The following ADGRV1 variants were observed in gnomAD, a reference collection of about 807,000 sequenced individuals.
The protein encoded by ADGRV1 is adhesion G protein-coupled receptor V1.
A neutral mutation model predicts 596.2 loss-of-function variants in ADGRV1; 359 were observed. The observed-to-expected ratio is 0.60, with a 90% CI of 0.55 to 0.66. The LOEUF (loss-of-function observed/expected upper bound fraction) is 0.66. Among genes scored for constraint, ADGRV1 ranks in the 30% least tolerant of loss-of-function variants. The pLI is 0.00. For synonymous variants in ADGRV1, 2,681 were observed against 2,679.2 expected (o/e 1.00, Z -0.02); for missense variants, 7,274 against 7,575.6 (o/e 0.96, Z 1.48).
chr5:91,094,182 G>A (rs959541238), intron 86 of ADGRV1, among the ~76,000 whole-genome samples: 2 of 151,950 alleles, frequency 1.3e-5, no homozygotes, highest in African/African-American at 4.8e-5. Flanking sequence ...TCTCTGGGCC[G>A]GGCACAGTGG....
chr5:90,894,087 G>A (rs1419397887), intron 83 of ADGRV1, among the ~76,000 whole-genome samples: 3 of 152,144 alleles, frequency 2.0e-5, no homozygotes, highest in Non-Finnish European at 4.4e-5. Flanking sequence ...TTAATGGTAA[G>A]AGAGTATGTG....
At chr5:91,095,322 C>T (rs1790761913) in intron 86 of ADGRV1, among the ~76,000 whole-genome samples, 1 of 152,124 alleles carries the variant, frequency 6.6e-6, no homozygotes, top group South Asian at 2.1e-4. Flanking sequence ...ACCTCAGCCT[C>T]CTGAGTAGCT....
intron 84 of ADGRV1, among the ~76,000 whole-genome samples, chr5:90,980,371 A>G (rs1247525327): frequency 6.6e-6 from 1 of 152,206 alleles, no homozygotes; most frequent in African/African-American, 2.4e-5. Context: ...TTCAGAGACT[A>G]TATCGTATCT....
At chr5:90,882,114 G>A (rs988593102) in intron 83 of ADGRV1, among the ~76,000 whole-genome samples, 6 of 152,228 alleles carry the variant, frequency 3.9e-5, no homozygotes, top group African/African-American at 1.4e-4. Flanking sequence ...TTTCCTCACA[G>A]ATGTAAAGAG....
At chr5:91,080,588 CAAA>C (rs10696264) in intron 86 of ADGRV1, among the ~76,000 whole-genome samples, 5 of 84,466 alleles carry the variant, frequency 5.9e-5, no homozygotes, top group African/African-American at 2.0e-4. Context: ...GCACACCCTG[CAAA>C]AAAAAAAAAA....
At chr5:90,740,554 C>T (rs936481315) in intron 50 of ADGRV1, among the ~76,000 whole-genome samples, 2 of 152,196 alleles carry the variant, frequency 1.3e-5, no homozygotes, top group African/African-American at 2.4e-5. Context: ...AACTGTGCCT[C>T]ATTCAGAGCA....
At chr5:91,062,630 C>T (rs984027086) in intron 85 of ADGRV1, among the ~76,000 whole-genome samples, 2 of 152,130 alleles carry the variant, frequency 1.3e-5, no homozygotes, top group African/African-American at 2.4e-5. Flanking sequence ...GGCCAGTCTG[C>T]AGATCTGCGG....
Position 90,823,462 on chromosome 5 carries a change from C to T in ADGRV1, c.16234C>T (p.Leu5412Phe). 1 of 1,613,840 alleles carries T rather than the reference C, an allele frequency of 6.2e-7. No homozygotes were observed. The highest frequency in any genetic ancestry group is 1.1e-5 in the South Asian group (1 of 91,024). The change falls in exon 76 of 90, where the codon CTT (leucine) becomes TTT (phenylalanine). Residue 5412 changes from leucine to phenylalanine, a missense_variant. Around this residue, in one of 5 missense-constraint regions of ADGRV1, gnomAD observed 1,874 missense variants for 1,970.2 expected, o/e 0.95. Coordinates refer to ENST00000405460, the MANE Select transcript of ADGRV1 (RefSeq NM_032119.4). Reference protein sequence around the residue: ...EDVKVFWRVTLNKTVVVLQKD... With the variant: ...EDVKVFWRVTFNKTVVVLQKD... ...TGTCAAGGTCTTTTGGCGAGTCACA[C>T]TTAACAAAACAGTCGTCGTGCTCCA...
intron 53 of ADGRV1, among the ~76,000 whole-genome samples, chr5:90,750,920 C>A (rs889895668): frequency 6.6e-6 from 1 of 152,112 alleles, no homozygotes; most frequent in African/African-American, 2.4e-5. Flanking sequence ...TTTAAAAAGT[C>A]ATTCTTTCTG....
chr5:90,737,278 A>G (rs575902765), intron 50 of ADGRV1, among the ~76,000 whole-genome samples: 5 of 152,108 alleles, frequency 3.3e-5, no homozygotes, highest in African/African-American at 9.6e-5. Context: ...GCTTAATGCC[A>G]TTATGATCAG....
At chr5:90,719,528 A>C (rs1457110727) in intron 43 of ADGRV1, among the ~76,000 whole-genome samples, 5 of 151,836 alleles carry the variant, frequency 3.3e-5, no homozygotes, top group African/African-American at 1.2e-4. Context: ...GGCTTCTTTC[A>C]CTCAATATAA....
intron 86 of ADGRV1, among the ~76,000 whole-genome samples, chr5:91,082,423 C>A (rs954551990): frequency 6.6e-6 from 1 of 152,070 alleles, no homozygotes; most frequent in Admixed American, 6.6e-5. Context: ...ATCTCCTGGG[C>A]TCAAGAGATA....
chr5:90,978,251 C>T (rs979891139), intron 84 of ADGRV1, among the ~76,000 whole-genome samples: 4 of 152,018 alleles, frequency 2.6e-5, no homozygotes, highest in Non-Finnish European at 4.4e-5. Flanking sequence ...GCCGAGATCG[C>T]GCCACTACAC....
At chr5:90,597,727 A>T (rs1355868526) in intron 1 of ADGRV1, among the ~76,000 whole-genome samples, 1 of 152,116 alleles carries the variant, frequency 6.6e-6, no homozygotes, top group African/African-American at 2.4e-5. Context: ...AGAGAGAGAA[A>T]GAGGGAGAGA....
chr5:90,745,426 A>G (rs910198360), intron 51 of ADGRV1, among the ~76,000 whole-genome samples, 161 bp downstream of exon 51: 1 of 152,214 alleles, frequency 6.6e-6, no homozygotes, highest in Non-Finnish European at 1.5e-5. Context: ...TATCTATTCT[A>G]TCAAGTTTAT....
At chr5:91,163,412 A>G (rs541861567) in intron 89 of ADGRV1, among the ~76,000 whole-genome samples, 38 of 152,296 alleles carry the variant, frequency 2.5e-4, no homozygotes, top group African/African-American at 9.1e-4. Context: ...GTTTTGTAAC[A>G]GCAAATCCTA....
intron 70 of ADGRV1, among the ~76,000 whole-genome samples, chr5:90,796,127 T>C (rs761404395): frequency 1.3e-5 from 2 of 151,834 alleles, no homozygotes; most frequent in African/African-American, 2.4e-5. Flanking sequence ...AGAGAATGAG[T>C]TTGATGATTG....
At position 90,781,460 on chromosome 5, in the gene ADGRV1, A is replaced by C; in HGVS notation, c.13113A>C (p.Gly4371=). The stretch of plus-strand genomic sequence containing the variant: ...ATGATTTTACCATTCAAGAAAATGG[A>C]CTTCAGATAGATCAACCTCCTGAAA... ...RGYDFTIQEN[G]LQIDQPPEIG... The change falls in exon 65 of 90, where the codon GGA becomes GGC. Residue 4371 remains glycine (G), a synonymous_variant. Transcript: ENST00000405460. 1 of 1,608,296 alleles carries C rather than the reference A, an allele frequency of 6.2e-7. No homozygotes were observed. The highest frequency in any genetic ancestry group is 1.1e-5 in the South Asian group (1 of 90,304).
chr5:91,077,706 C>G (rs1426561088), intron 86 of ADGRV1, among the ~76,000 whole-genome samples: 3 of 152,204 alleles, frequency 2.0e-5, no homozygotes, highest in East Asian at 3.8e-4. Context: ...CTTGCCTCCT[C>G]TTCCCTTCAG....
Sources: gnomAD v4.1 joint callset for allele counts (sites outside exome capture counted in the v4.1 genomes callset) on GRCh38, gnomAD v4.1.1 for gene constraint, gnomAD v4.1.1 regional missense constraint, MANE v1.5 for transcripts, NCBI Gene and HGNC (gene_info 2026-07-23, HGNC 2026-07-21) for gene names.